The following ORC5 variants were observed in gnomAD, a reference collection of about 807,000 sequenced individuals.
ORC5 encodes protein phosphatase 1, regulatory subunit 117.
A neutral mutation model predicts 58.8 loss-of-function variants in ORC5; 39 were observed. That is an observed-to-expected ratio of 0.66 (90% CI 0.51 to 0.87). ORC5 has a LOEUF of 0.87. Among genes scored for constraint, ORC5 ranks in the 40% least tolerant of loss-of-function variants. The pLI is 0.00. For synonymous variants in ORC5, 218 were observed against 177.6 expected, an observed-to-expected ratio of 1.23 and a Z score of -1.81; for missense variants, 493 against 506.3, an observed-to-expected ratio of 0.97 and a Z score of 0.25.
rs1799141981 is a variant in ORC5 at position 104,168,306 on chromosome 7, C to T, written c.877+167G>A. The T allele has an allele frequency of 4.2e-6, 5 of 1,196,400 alleles. No individual in the cohort carries two copies. In the South Asian group the frequency reaches 1.3e-4, roughly 30 times the overall value. 74.1% of individuals were successfully genotyped at this position (1,196,400 alleles called of 1,614,324 possible). On this transcript the variant is annotated intron_variant, in intron 9 of 13. Coordinates refer to ENST00000297431, the MANE Select transcript of ORC5 (RefSeq NM_002553.4). ...TTTATTTCCTCCCATTAAATTAGAG[C>T]TTCAGTTAAAGAAAAATCATTAATC...
chr7:104,158,543 T>A (rs985357941), intron 12 of ORC5, among the ~76,000 whole-genome samples: 5 of 151,706 alleles, frequency 3.3e-5, no homozygotes, highest in African/African-American at 1.2e-4. Flanking sequence ...ACAGGCAACC[T>A]ACAAAATGGG....
At chr7:104,199,120 C>A (rs1244545257) in intron 3 of ORC5, among the ~76,000 whole-genome samples, 2 of 152,178 alleles carry the variant, frequency 1.3e-5, no homozygotes, top group African/African-American at 2.4e-5. Context: ...TCATGGAGAA[C>A]CTCTACTAGG....
At chr7:104,156,263 T>A (rs1368292317) in intron 12 of ORC5, among the ~76,000 whole-genome samples, 2 of 151,550 alleles carry the variant, frequency 1.3e-5, no homozygotes, top group Non-Finnish European at 3.0e-5. Context: ...TAAAAAAAAA[T>A]TTAAAGTCAT....
At chr7:104,150,122 A>C (rs1019548610) in intron 12 of ORC5, among the ~76,000 whole-genome samples, 2 of 152,206 alleles carry the variant, frequency 1.3e-5, no homozygotes, top group Non-Finnish European at 2.9e-5. Context: ...ATGTAAAAAC[A>C]GTGTGAACCT....
intron 5 of ORC5, 108 bp from the exon 6 acceptor site, chr7:104,188,489 A>G: frequency 1.4e-6 from 1 of 691,334 alleles, no homozygotes; most frequent in Admixed American, 2.4e-5. Context: ...AGACCCAGCA[A>G]CAATTAAGGA....
At position 104,184,015 on chromosome 7, in the gene ORC5, C is replaced by T. The variant is rs749495781; in HGVS notation, c.752G>A (p.Arg251His). 5.0e-6 allele frequency: 8 copies of T among 1,613,058 alleles called. No homozygotes were observed. In the Admixed American group the frequency reaches 5.0e-5, roughly 10 times the overall value. ...VKGEASERDTRKLWRNIEPHL... is the reference protein window; with the variant it reads ...VKGEASERDTHKLWRNIEPHL... Reference sequence around the variant, plus strand: ...AGGTTCAATATTTCTCCACAGTTTGCGAGTATCACGTTCACTTGCTACCCC... The same window carrying T: ...AGGTTCAATATTTCTCCACAGTTTGTGAGTATCACGTTCACTTGCTACCCC... The change falls in exon 8 of 14, where the codon CGC becomes CAC. Residue 251 changes from arginine (R) to histidine (H), a missense_variant. Physicochemically the swap from Arg to His is conservative, Grantham distance 29. This residue lies in a region of ORC5 where 412 missense variants were observed against 403.7 expected (regional missense o/e 1.02). Coordinates refer to ENST00000297431, the MANE Select transcript of ORC5 (RefSeq NM_002553.4).
chr7:104,150,762 T>C (rs1798830481), intron 12 of ORC5, among the ~76,000 whole-genome samples: 1 of 152,212 alleles, frequency 6.6e-6, no homozygotes, highest in African/African-American at 2.4e-5. Flanking sequence ...CTCATGTTCA[T>C]GGATGGCATT....
At chr7:104,169,292 C>T (rs570421356) in intron 8 of ORC5, among the ~76,000 whole-genome samples, 11 of 136,954 alleles carry the variant, frequency 8.0e-5, no homozygotes, top group Non-Finnish European at 1.5e-4. Context: ...AGCTACGAGT[C>T]GAATCCTTGT....
chr7:104,157,745 G>A (rs1043486682), intron 12 of ORC5, among the ~76,000 whole-genome samples: 8 of 151,990 alleles, frequency 5.3e-5, no homozygotes, highest in Non-Finnish European at 1.0e-4. Flanking sequence ...AATGCTCTAC[G>A]AATGTAAAGA....
chr7:104,183,893 A>C (rs780195491), intron 8 of ORC5, 50 bp downstream of exon 8: 1 of 1,197,106 alleles, frequency 8.4e-7, no homozygotes, highest in East Asian at 2.3e-5. Context: ...GAGAGTATAT[A>C]TCCCAAATAA....
Position 104,126,568 on chromosome 7 carries a change from A to G in ORC5, c.*280T>C, listed in dbSNP as rs1487170226. On this transcript the variant is annotated 3_prime_UTR_variant, in exon 14 of 14. Coordinates refer to ENST00000297431, the MANE Select transcript of ORC5 (RefSeq NM_002553.4). ...ATGGGTTTCAGGCAATTTCAGTGTTAAGATAACATCATTAAGAGTAGAACA... is the reference window on the plus strand; with the variant it reads ...ATGGGTTTCAGGCAATTTCAGTGTTGAGATAACATCATTAAGAGTAGAACA... The G allele has an allele frequency of 3.1e-6, 1 of 326,364 alleles. No individual in the cohort carries two copies. The highest frequency in any genetic ancestry group is 5.0e-5 in the East Asian group (1 of 20,048). The allele number at this position is 326,364 out of a possible 1,614,324, so 20.2% of individuals were successfully genotyped here.
intron 5 of ORC5, among the ~76,000 whole-genome samples, chr7:104,193,072 C>T (rs79971452): frequency 0.045 from 6,789 of 152,052 alleles, 501 homozygotes; most frequent in African/African-American, 0.15. Context: ...TTTGAAGAAA[C>T]ACTGCCTGAA....
At chr7:104,188,137 C>G (rs116488459) in intron 6 of ORC5, 114 bp downstream of exon 6, 3 of 955,864 alleles carry the variant, frequency 3.1e-6, no homozygotes, top group East Asian at 2.7e-5. Context: ...AGTTTCTAAC[C>G]TATCTCATAC....
At chr7:104,127,669 T>C (rs1010945766) in intron 13 of ORC5, among the ~76,000 whole-genome samples, 1 of 152,256 alleles carries the variant, frequency 6.6e-6, no homozygotes, top group South Asian at 2.1e-4. Flanking sequence ...AACAGCCTTT[T>C]AAAGATTCAC....
At chr7:104,162,526 G>A (rs1253733206) in intron 11 of ORC5, among the ~76,000 whole-genome samples, 1 of 152,220 alleles carries the variant, frequency 6.6e-6, no homozygotes, top group Admixed American at 6.5e-5. Context: ...ATGCATGGGA[G>A]TAACTATTTA....
intron 5 of ORC5, among the ~76,000 whole-genome samples, chr7:104,194,505 A>G (rs1026054194): frequency 6.6e-6 from 1 of 152,136 alleles, no homozygotes; most frequent in East Asian, 1.9e-4. Flanking sequence ...GTGTTCTTCC[A>G]AAGACCAAAA....
intron 4 of ORC5, among the ~76,000 whole-genome samples, chr7:104,195,604 T>G (rs1799783004): frequency 6.6e-6 from 1 of 152,170 alleles, no homozygotes; most frequent in Non-Finnish European, 1.5e-5. Context: ...TTGCCCAGGC[T>G]GGTCTTGAAC....
intron 13 of ORC5, among the ~76,000 whole-genome samples, chr7:104,135,700 T>G (rs1186148374): frequency 6.6e-6 from 1 of 152,220 alleles, no homozygotes; most frequent in East Asian, 1.9e-4. Flanking sequence ...CAAGAAGCTG[T>G]AAAATTAATC....
At chr7:104,200,085 G>A (rs984955224) in intron 3 of ORC5, among the ~76,000 whole-genome samples, 3 of 147,912 alleles carry the variant, frequency 2.0e-5, no homozygotes, top group South Asian at 2.2e-4. Context: ...CCCCAGCCAC[G>A]CTGAACTGTA....
Sources: allele counts gnomAD v4.1 joint callset (sites outside exome capture counted in the v4.1 genomes callset), GRCh38; gene constraint gnomAD v4.1.1; regional missense constraint gnomAD v4.1.1; transcripts MANE v1.5; gene names NCBI Gene and HGNC (gene_info 2026-07-23, HGNC 2026-07-21).